The following GULP1 variants were observed in gnomAD, a reference collection of about 807,000 sequenced individuals.
GULP1 encodes the protein PTB domain-containing engulfment adapter protein 1.
GULP1 carries 19 observed loss-of-function variants against 40.9 expected under a neutral mutation model. The observed-to-expected ratio is 0.46, with a 90% CI of 0.32 to 0.68. The LOEUF is 0.68. Ranked by LOEUF, GULP1 falls within the 30% of genes least tolerant of loss-of-function variation. GULP1 has a pLI of 0.03. For missense variants in GULP1, 312 were observed against 362.2 expected (o/e 0.86, Z 1.12); for synonymous variants, 119 against 117.6 (o/e 1.01, Z -0.08).
chr2:188,527,552 G>A (rs368378211), intron 5 of GULP1, among the ~76,000 whole-genome samples: 1 of 152,080 alleles, frequency 6.6e-6, no homozygotes, highest in Admixed American at 6.6e-5. Flanking sequence ...CTACACTCAA[G>A]CAAAATAAAT....
intron 2 of GULP1, among the ~76,000 whole-genome samples, chr2:188,458,920 C>A (rs1028530644): frequency 2.0e-5 from 3 of 152,114 alleles, no homozygotes; most frequent in African/African-American, 7.2e-5. Context: ...ATTTTTAGAT[C>A]TCACAAATAA....
chr2:188,395,159 T>C (rs1341628779), intron 2 of GULP1, among the ~76,000 whole-genome samples: 3 of 152,036 alleles, frequency 2.0e-5, no homozygotes, highest in Admixed American at 2.0e-4. Context: ...TGAGGTCTTA[T>C]CAGGGGGAAC....
intron 4 of GULP1, among the ~76,000 whole-genome samples, chr2:188,521,902 C>G: frequency 6.6e-6 from 1 of 152,040 alleles, no homozygotes; most frequent in Admixed American, 6.6e-5. Context: ...CGGTGAAACC[C>G]CATCTCTACT....
At chr2:188,550,816 T>C (rs1057502144) in intron 7 of GULP1, among the ~76,000 whole-genome samples, 1 of 151,592 alleles carries the variant, frequency 6.6e-6, no homozygotes, top group Non-Finnish European at 1.5e-5. Context: ...TTTTATTTCA[T>C]TACATGATTG....
At chr2:188,404,063 G>T in intron 2 of GULP1, among the ~76,000 whole-genome samples, 1 of 152,194 alleles carries the variant, frequency 6.6e-6, no homozygotes, top group East Asian at 1.9e-4. Flanking sequence ...AGTTAATAAA[G>T]TAAGTAGAGT....
intron 1 of GULP1, among the ~76,000 whole-genome samples, chr2:188,351,685 T>C (rs1334337292): frequency 6.6e-6 from 1 of 152,208 alleles, no homozygotes; most frequent in Non-Finnish European, 1.5e-5. Context: ...ATGAAACTTA[T>C]ACATTCATTA....
chr2:188,442,913 G>T (rs1347159240), intron 2 of GULP1, among the ~76,000 whole-genome samples: 2 of 152,098 alleles, frequency 1.3e-5, no homozygotes, highest in African/African-American at 4.8e-5. Context: ...AAAACAGCCT[G>T]TCTATCAGCT....
chr2:188,545,855 G>C (rs745624318), intron 7 of GULP1, among the ~76,000 whole-genome samples: 6 of 151,814 alleles, frequency 4.0e-5, no homozygotes, highest in Non-Finnish European at 5.9e-5. Context: ...TAATGGTATA[G>C]GTGATATAGG....
chr2:188,358,842 G>A (rs971446134), intron 1 of GULP1, among the ~76,000 whole-genome samples: 8 of 151,966 alleles, frequency 5.3e-5, no homozygotes, highest in African/African-American at 1.4e-4. Context: ...TTTAATTAAC[G>A]TTATTAACAT....
intron 4 of GULP1, among the ~76,000 whole-genome samples, chr2:188,506,573 C>T (rs956230687): frequency 1.3e-5 from 2 of 152,014 alleles, no homozygotes; most frequent in African/African-American, 4.8e-5. Flanking sequence ...CTCAAGAAAT[C>T]CTCAGAAATA....
intron 4 of GULP1, among the ~76,000 whole-genome samples, chr2:188,516,517 A>G (rs949296086): frequency 6.6e-6 from 1 of 151,972 alleles, no homozygotes; most frequent in Non-Finnish European, 1.5e-5. Flanking sequence ...CTGAAAATTT[A>G]TACCTTTGGT....
intron 1 of GULP1, among the ~76,000 whole-genome samples, chr2:188,302,475 T>C (rs1024733937): frequency 2.0e-5 from 3 of 152,142 alleles, no homozygotes; most frequent in Admixed American, 1.3e-4. Flanking sequence ...CTGGTCTGAG[T>C]AATTTAAAAC....
At chr2:188,496,206 A>G (rs1287594204) in intron 4 of GULP1, among the ~76,000 whole-genome samples, 2 of 152,046 alleles carry the variant, frequency 1.3e-5, no homozygotes, top group Non-Finnish European at 2.9e-5. Context: ...AAAGTAAGCA[A>G]TGAAAGGGCT....
chr2:188,503,310 G>C (rs529574261), intron 4 of GULP1, among the ~76,000 whole-genome samples: 311 of 151,782 alleles, frequency 2.0e-3, no homozygotes, highest in African/African-American at 7.4e-3. Context: ...TATAAAGAAA[G>C]AGGTTTAATT....
intron 2 of GULP1, among the ~76,000 whole-genome samples, chr2:188,407,595 G>C (rs1430538395): frequency 1.3e-5 from 2 of 152,094 alleles, no homozygotes; most frequent in Non-Finnish European, 2.9e-5. Flanking sequence ...TAACTGTAAG[G>C]TGTCTTGTGT....
chr2:188,513,180 G>A (rs888059781), intron 4 of GULP1, among the ~76,000 whole-genome samples: 1 of 152,048 alleles, frequency 6.6e-6, no homozygotes, highest in African/African-American at 2.4e-5. Flanking sequence ...ATTTAAAAAA[G>A]ACATTTACTA....
At chr2:188,519,975 A>G (rs917980543) in intron 4 of GULP1, among the ~76,000 whole-genome samples, 2 of 152,278 alleles carry the variant, frequency 1.3e-5, no homozygotes, top group South Asian at 4.1e-4. Flanking sequence ...AAACGCCCCT[A>G]TGATTCTGTC....
At chr2:188,436,964 A>T (rs935003982) in intron 2 of GULP1, among the ~76,000 whole-genome samples, 2 of 152,144 alleles carry the variant, frequency 1.3e-5, no homozygotes, top group Non-Finnish European at 2.9e-5. Context: ...ATAAACTAAC[A>T]TAATGTTATC....
At chr2:188,543,848 A>G (rs1416058816) in intron 7 of GULP1, among the ~76,000 whole-genome samples, 1 of 152,090 alleles carries the variant, frequency 6.6e-6, no homozygotes, top group Admixed American at 6.6e-5. Context: ...TTATCTGTTC[A>G]TTGTATTTTA....
Sources: allele counts gnomAD v4.1 joint callset (sites outside exome capture counted in the v4.1 genomes callset), GRCh38; gene constraint gnomAD v4.1.1; transcripts MANE v1.5; gene names NCBI Gene and HGNC (gene_info 2026-07-23, HGNC 2026-07-21).